USP5: variants seen among roughly 807,000 people sequenced by gnomAD.
The protein encoded by USP5 is ubiquitin carboxyl-terminal hydrolase 5.
USP5 carries 24 observed loss-of-function variants against 102.5 expected under a neutral mutation model. That is an observed-to-expected ratio of 0.23 (90% CI 0.17 to 0.33). The LOEUF is 0.33. Ranked by LOEUF, USP5 falls within the 10% of genes least tolerant of loss-of-function variation. USP5 has a pLI of 1.00. For missense variants in USP5, 753 were observed against 1,122.1 expected (o/e 0.67, Z 4.70); for synonymous variants, 460 against 434.8 (o/e 1.06, Z -0.72).
Position 6,856,317 on chromosome 12 carries a change from G to A in USP5, c.451G>A (p.Val151Met), listed in dbSNP as rs1555128271. Residue 151 changes from valine (V) to methionine (M), a missense_variant, in exon 5 of 20, where the codon GTG (valine) becomes ATG (methionine). By Grantham distance (21) the Val-to-Met change is conservative (BLOSUM62 1). Coordinates refer to ENST00000229268, the MANE Select transcript of USP5 (RefSeq NM_001098536.2). This position sits in a 1 kb window ranked among gnomAD's most constrained non-coding sequence, Gnocchi z 5.6. ...CTGCTTCCCCCAGGTGACCAGTGCAGTGGAGGCCCTACTGTCGGCCGACTC... is the reference window on the plus strand; with the variant it reads ...CTGCTTCCCCCAGGTGACCAGTGCAATGGAGGCCCTACTGTCGGCCGACTC... ...DIVRDRVTSAVEALLSADSAS... is the reference protein window; with the variant it reads ...DIVRDRVTSAMEALLSADSAS... 2 of 1,613,246 alleles carry A rather than the reference G, an allele frequency of 1.2e-6. No individual in the cohort carries two copies. The highest frequency in any genetic ancestry group is 2.2e-5 in the East Asian group (1 of 44,858).
chr12:6,856,576 C>G lies in USP5; in HGVS notation c.584+126C>G. 1 of 1,542,964 alleles carries G rather than the reference C, an allele frequency of 6.5e-7. No homozygotes were observed. The highest frequency in any genetic ancestry group is 1.2e-5 in the South Asian group (1 of 81,222). On this transcript the variant is annotated intron_variant, in intron 5 of 19. Coordinates refer to ENST00000229268, the MANE Select transcript of USP5 (RefSeq NM_001098536.2). This position sits in a 1 kb window ranked among gnomAD's most constrained non-coding sequence, Gnocchi z 5.6. ...AGGAAGGGAAGCTTGGAAATGAACA[C>G]GACATGGGGATGGCCAGAGGAGAAG...
In USP5 at chr12:6,855,561, T is replaced by C. The variant is rs377393722; in HGVS notation, c.237+35T>C. 4.3e-6 allele frequency: 7 copies of C among 1,611,884 alleles called. No individual in the cohort carries two copies. In the African/African-American group the frequency reaches 6.7e-5, roughly 15 times the overall value. On this transcript the variant is annotated intron_variant, in intron 2 of 19. Transcript: ENST00000229268. This position sits in a 1 kb window ranked among gnomAD's most constrained non-coding sequence, Gnocchi z 4.6. ...GGGCTGGGGCAAGGCCTGGGTACAT[T>C]GTCTGTTCCATTCTGACCTCCTATT...
At position 6,856,503 on chromosome 12, in the gene USP5, G is replaced by C; in HGVS notation, c.584+53G>C. The C allele has an allele frequency of 1.3e-6, 2 of 1,568,834 alleles. No homozygotes were observed. The highest frequency in any genetic ancestry group is 1.7e-6 in the Non-Finnish European group (2 of 1,157,954). On this transcript the variant is annotated intron_variant, in intron 5 of 19. Transcript: ENST00000229268. This position sits in a 1 kb window ranked among gnomAD's most constrained non-coding sequence, Gnocchi z 5.6. ...ACCACCCCCAGAGCAAGGACAAGGA[G>C]CCCACTTTTCTGGGGGATCTGGTGG...
chr12:6,862,535 T>C lies in USP5; in HGVS notation c.1739T>C (p.Leu580Ser). 2.5e-6 allele frequency: 4 copies of C among 1,614,154 alleles called. No individual in the cohort carries two copies. The highest frequency in any genetic ancestry group is 3.4e-6 in the Non-Finnish European group (4 of 1,180,008). Reference sequence around the variant, plus strand: ...CAGATCAAGAAGTTCACCTTCGGCTTAGACTGGGTGCCCAAGAAACTGGGT... The same window carrying C: ...CAGATCAAGAAGTTCACCTTCGGCTCAGACTGGGTGCCCAAGAAACTGGGT... Reference protein sequence around the residue: ...VIQIKKFTFGLDWVPKKLDVS... With the variant: ...VIQIKKFTFGSDWVPKKLDVS... Residue 580 changes from leucine to serine, a missense_variant, in exon 14 of 20, where the codon TTA (leucine) becomes TCA (serine). Leu to Ser is a moderately radical substitution (Grantham distance 145). Around this residue, in one of 3 missense-constraint regions of USP5, gnomAD observed 527 missense variants for 816.5 expected, o/e 0.65. Transcript: ENST00000229268.
At position 6,864,621 on chromosome 12, in the gene USP5, G is replaced by A. The variant is rs1398759743; in HGVS notation, c.2245-101G>A. The A allele has an allele frequency of 2.7e-5, 36 of 1,354,370 alleles. No individual in the cohort carries two copies. The highest frequency in any genetic ancestry group is 2.0e-4 in the Admixed American group (10 of 50,830). The allele number at this position is 1,354,370 out of a possible 1,614,324, so 83.9% of individuals were successfully genotyped here. On this transcript the variant is annotated intron_variant, in intron 17 of 19. Transcript: ENST00000229268. This position sits in a 1 kb window ranked among gnomAD's most constrained non-coding sequence, Gnocchi z 4.8. ...GGAGAAAGGCGTGAACCCGGGAGGCGGAGCTTGCAGTGAGCCGAGATCGCG... is the reference window on the plus strand; with the variant it reads ...GGAGAAAGGCGTGAACCCGGGAGGCAGAGCTTGCAGTGAGCCGAGATCGCG...
In USP5 at chr12:6,864,664, G is replaced by A. The variant is rs1217187010; in HGVS notation, c.2245-58G>A. ...AGATCGCGCCACTGCACTCCAGCCTGGGCGACAGAGCAAGACTCCGTCTCA... is the reference window on the plus strand; with the variant it reads ...AGATCGCGCCACTGCACTCCAGCCTAGGCGACAGAGCAAGACTCCGTCTCA... On this transcript the variant is annotated intron_variant, in intron 17 of 19. Coordinates refer to ENST00000229268, the MANE Select transcript of USP5 (RefSeq NM_001098536.2). The surrounding 1 kb of genome is among the most constrained non-coding windows in gnomAD (Gnocchi z 4.8). 3 of 1,555,594 alleles carry A rather than the reference G, an allele frequency of 1.9e-6. No homozygotes were observed. The highest frequency in any genetic ancestry group is 1.3e-5 in the African/African-American group (1 of 74,284).
rs781966768 is a variant in USP5 at position 6,852,365 on chromosome 12, G to A, written c.111+75G>A. On this transcript the variant is annotated intron_variant, in intron 1 of 19. Coordinates refer to ENST00000229268, the MANE Select transcript of USP5 (RefSeq NM_001098536.2). ...CTGGTCATTCCGCTGGGGCCTGCAA[G>A]GCTTGGGCTACCGCCTCCCTGCGAT... 9 of 1,444,860 alleles carry A rather than the reference G, an allele frequency of 6.2e-6. No individual in the cohort carries two copies. In the East Asian group the frequency reaches 1.7e-4, roughly 28 times the overall value. The allele number at this position is 1,444,860 out of a possible 1,614,324, so 89.5% of individuals were successfully genotyped here.
At position 6,864,900 on chromosome 12, in the gene USP5, A is replaced by G; in HGVS notation, c.2398+25A>G. 1.2e-6 allele frequency: 2 copies of G among 1,607,644 alleles called. No homozygotes were observed. Among genetic ancestry groups the G allele is most frequent in the Non-Finnish European group, 1.7e-6 (2 of 1,176,258 alleles). ...AGTGAGTATCCCCAGGAAGCAGGAC[A>G]GGCCTGGTGGAATCTGGTCAGTCTA... is the stretch of plus-strand genomic sequence containing the variant. On this transcript the variant is annotated intron_variant, in intron 18 of 19. Coordinates refer to ENST00000229268, the MANE Select transcript of USP5 (RefSeq NM_001098536.2). This position sits in a 1 kb window ranked among gnomAD's most constrained non-coding sequence, Gnocchi z 4.8.
At chr12:6,859,332 G>A (rs1591607551) in intron 8 of USP5, 138 bp from the exon 9 acceptor site, 1 of 783,710 alleles carries the variant, frequency 1.3e-6, no homozygotes, top group Non-Finnish European at 2.1e-6. Context: ...CTGGAGAGAA[G>A]CGACTCCAAG....
rs1944133227 is a variant in USP5, at chr12:6,856,939, T to G, written c.769+48T>G. 1.3e-6 allele frequency: 2 copies of G among 1,588,788 alleles called. No homozygotes were observed. Among genetic ancestry groups the G allele is most frequent in the African/African-American group, 2.7e-5 (2 of 73,956 alleles). On this transcript the variant is annotated intron_variant, in intron 6 of 19. Transcript: ENST00000229268. The surrounding 1 kb of genome is among the most constrained non-coding windows in gnomAD (Gnocchi z 5.6). ...CACTCTCATGCTTAAATATATTTCATTTGTTAGTAATTTCGTGTGACATGT... is the reference window on the plus strand; with the variant it reads ...CACTCTCATGCTTAAATATATTTCAGTTGTTAGTAATTTCGTGTGACATGT...
intron 9 of USP5, among the ~76,000 whole-genome samples, chr12:6,859,781 T>TAGC (rs1463737640): frequency 6.6e-6 from 1 of 152,164 alleles, no homozygotes; most frequent in Non-Finnish European, 1.5e-5. Context: ...GTCTCCTGAG[T>TAGC]AGCTAGGACT....
At chr12:6,853,548 C>G (rs1213377153) in intron 1 of USP5, among the ~76,000 whole-genome samples, 1 of 152,224 alleles carries the variant, frequency 6.6e-6, no homozygotes, top group African/African-American at 2.4e-5. Flanking sequence ...CCACATTCTT[C>G]CCAGGAGGGA....
chr12:6,866,072 A>G lies in USP5; in HGVS notation c.2572A>G (p.Ser858Gly), dbSNP rs782637300. The change falls in exon 20 of 20, where the codon AGC (serine) becomes GGC (glycine). Residue 858 changes from serine to glycine, a missense_variant. By Grantham distance (56) the Ser-to-Gly change is moderately conservative. This residue lies in a region of USP5 where 33 missense variants were observed against 75.3 expected (regional missense o/e 0.44). Transcript: ENST00000229268. The surrounding 1 kb of genome is among the most constrained non-coding windows in gnomAD (Gnocchi z 4.7). ...CATCTACTTCTACCAGAGAGTGGCC[A>G]GCTAAGAGCCTGCCTCACCCCTTAC... ...GYIYFYQRVA[S>G] 12 of 1,613,926 alleles carry G rather than the reference A, an allele frequency of 7.4e-6. No individual in the cohort carries two copies. In the East Asian group the frequency reaches 2.5e-4, roughly 33 times the overall value.
chr12:6,857,859 A>C (rs782801677), intron 7 of USP5, 136 bp downstream of exon 7: 1 of 747,808 alleles, frequency 1.3e-6, no homozygotes, highest in Non-Finnish European at 2.2e-6. Flanking sequence ...GCTTCTTTTA[A>C]ATATCTAAAA....
Position 6,865,217 on chromosome 12 carries a change from C to A in USP5, c.2452C>A (p.His818Asn). The A allele has an allele frequency of 1.2e-6, 2 of 1,613,946 alleles. No homozygotes were observed. Among genetic ancestry groups the A allele is most frequent in the South Asian group, 2.2e-5 (2 of 91,070 alleles). ...SHMGTSTMCG[H>N]YVCHIKKEGR... is the part of the protein sequence containing the mutation. The stretch of plus-strand genomic sequence containing the variant: ...CATGGGCACCTCTACCATGTGTGGT[C>A]ACTACGTCTGCCACATCAAGAAAGA... The change falls in exon 19 of 20, where the codon CAC becomes AAC. Residue 818 changes from histidine (H) to asparagine (N), a missense_variant. Transcript: ENST00000229268.
chr12:6,865,382 C>T, intron 19 of USP5, 134 bp downstream of exon 19: 1 of 781,784 alleles, frequency 1.3e-6, no homozygotes, highest in Non-Finnish European at 2.1e-6. Context: ...CAGAGAGTGA[C>T]AGAAGGTCTT....
chr12:6,856,099 G>A lies in USP5; in HGVS notation c.387G>A (p.Leu129=), dbSNP rs150961616. The part of the protein sequence containing the change: ...DVKIVILPDY[L]EIARDGLGGL... ...AGATTGTCATTTTGCCAGATTACCT[G>A]GAGATTGCCCGGGATGGACTGGGGG... Residue 129 remains leucine, a synonymous_variant, in exon 4 of 20, where the codon CTG becomes CTA. Transcript: ENST00000229268. The surrounding 1 kb of genome is among the most constrained non-coding windows in gnomAD (Gnocchi z 5.6). The A allele has an allele frequency of 6.6e-5, 106 of 1,614,180 alleles. No individual in the cohort carries two copies. The African/African-American group carries it at 1.1e-3, about 16-fold the overall frequency.
At position 6,856,316 on chromosome 12, in the gene USP5, A is replaced by T; in HGVS notation, c.450A>T (p.Ala150=). The T allele has an allele frequency of 6.2e-7, 1 of 1,613,220 alleles. No homozygotes were observed. Among genetic ancestry groups the T allele is most frequent in the Non-Finnish European group, 8.5e-7 (1 of 1,179,500 alleles). ...PDIVRDRVTS[A]VEALLSADSA... is the part of the protein sequence containing the mutation. ...TCTGCTTCCCCCAGGTGACCAGTGC[A>T]GTGGAGGCCCTACTGTCGGCCGACT... is the stretch of plus-strand genomic sequence containing the variant. Residue 150 remains alanine, a synonymous_variant, in exon 5 of 20, where the codon GCA becomes GCT. Transcript: ENST00000229268. The surrounding 1 kb of genome is among the most constrained non-coding windows in gnomAD (Gnocchi z 5.6).
chr12:6,860,824 T>C lies in USP5; in HGVS notation c.1345-129T>C, dbSNP rs17790720. ...GGGTTGGTGAATTAGGGAAGGTTTC[T>C]GCTCTGCTCTTGTGTCCCTGAGTTC... On this transcript the variant is annotated intron_variant, in intron 11 of 19. Transcript: ENST00000229268. This position sits in a 1 kb window ranked among gnomAD's most constrained non-coding sequence, Gnocchi z 5.5. The C allele has an allele frequency of 6.0e-3, 8,199 of 1,370,708 alleles. 348 individuals carry two copies. The Admixed American group carries it at 0.096, about 16-fold the overall frequency. The allele number at this position is 1,370,708 out of a possible 1,614,324, so 84.9% of individuals were successfully genotyped here. A position where few individuals can be genotyped will look rare whatever the true frequency, so the allele number is the denominator to read the frequency against.
Sources: gnomAD v4.1 joint callset for allele counts (sites outside exome capture counted in the v4.1 genomes callset) on GRCh38, gnomAD v4.1.1 for gene constraint, gnomAD v4.1.1 regional missense constraint, Gnocchi (gnomAD v3.1) non-coding constraint, MANE v1.5 for transcripts, NCBI Gene and HGNC (gene_info 2026-07-23, HGNC 2026-07-21) for gene names.